The following SPTLC3 variants were observed in gnomAD, a reference collection of about 807,000 sequenced individuals.
SPTLC3 encodes serine palmitoyltransferase 3.
In SPTLC3, 36 loss-of-function variants were observed where a neutral mutation model predicts 59.3. The observed-to-expected ratio is 0.61, with a 90% CI of 0.47 to 0.80. SPTLC3 has a LOEUF of 0.80. Among genes scored for constraint, SPTLC3 ranks in the 30% least tolerant of loss-of-function variants. The pLI is 0.00. For synonymous variants in SPTLC3, 257 were observed against 240.8 expected, an observed-to-expected ratio of 1.07 and a Z score of -0.62; for missense variants, 625 against 685.1, an observed-to-expected ratio of 0.91 and a Z score of 0.98.
At chr20:13,080,003 G>A in intron 4 of SPTLC3, 1 of 253,110 alleles carries the variant, frequency 4.0e-6, no homozygotes, top group African/African-American at 2.3e-5. Flanking sequence ...GAAACCTGAA[G>A]GGAAAAGATT....
intron 10 of SPTLC3, among the ~76,000 whole-genome samples, chr20:13,156,865 A>G (rs1453410168): frequency 1.3e-5 from 2 of 152,186 alleles, no homozygotes; most frequent in Non-Finnish European, 2.9e-5. Context: ...CAAAATAATT[A>G]TTACAATTTT....
chr20:13,011,594 G>A (rs752734953), intron 1 of SPTLC3, among the ~76,000 whole-genome samples: 1 of 152,300 alleles, frequency 6.6e-6, no homozygotes, highest in South Asian at 2.1e-4. Context: ...CCCTGGTCCA[G>A]CGTAGGCTGC....
chr20:13,091,346 G>T, intron 5 of SPTLC3, 139 bp downstream of exon 5: 1 of 1,051,144 alleles, frequency 9.5e-7, no homozygotes, highest in Non-Finnish European at 1.3e-6. Flanking sequence ...AGCCCAAGGC[G>T]GGCGGATCAC....
intron 8 of SPTLC3, 24 bp downstream of exon 8, chr20:13,117,749 T>C: frequency 1.3e-6 from 2 of 1,590,352 alleles, no homozygotes; most frequent in Non-Finnish European, 1.7e-6. Flanking sequence ...TGCTTGTGTC[T>C]GTTTAAAACC....
At chr20:13,050,182 A>C (rs1316617650) in intron 2 of SPTLC3, 3 of 152,238 alleles carry the variant, frequency 2.0e-5, no homozygotes, top group Non-Finnish European at 2.9e-5. Context: ...AATCCAAAAA[A>C]TGTTACAAGA....
rs550264771 is a variant in SPTLC3, at chr20:13,071,859, C to G, written c.304-397C>G. Among the ~76,000 whole-genome samples the G allele has an allele frequency of 5.9e-5, 9 of 152,278 alleles. No homozygotes were observed. The East Asian group carries it at 1.5e-3, about 26-fold the overall frequency. ...GCAGGTCCGATAGTTCAAGTTCATC[C>G]CCACTTCTAATCACACGGTGAGTGA... On this transcript the variant is annotated intron_variant, in intron 2 of 11. Coordinates refer to ENST00000399002, the MANE Select transcript of SPTLC3 (RefSeq NM_018327.4).
At chr20:13,055,597 C>T (rs73901410) in intron 2 of SPTLC3, among the ~76,000 whole-genome samples, 1 of 152,176 alleles carries the variant, frequency 6.6e-6, no homozygotes, top group Non-Finnish European at 1.5e-5. Context: ...TATTTTCTAA[C>T]CTTTCAGTGT....
chr20:13,029,692 G>A (rs1181939176), intron 1 of SPTLC3, among the ~76,000 whole-genome samples: 5 of 152,124 alleles, frequency 3.3e-5, no homozygotes, highest in African/African-American at 1.2e-4. Flanking sequence ...AAAATAACAT[G>A]TGCTGCTTTC....
chr20:13,023,047 A>G (rs1480538150), intron 1 of SPTLC3, among the ~76,000 whole-genome samples: 2 of 151,900 alleles, frequency 1.3e-5, no homozygotes, highest in Non-Finnish European at 2.9e-5. Context: ...CCCACCTGCA[A>G]CATTTGCATT....
intron 6 of SPTLC3, among the ~76,000 whole-genome samples, chr20:13,107,295 GA>G (rs913401877): frequency 6.6e-6 from 1 of 151,014 alleles, no homozygotes; most frequent in African/African-American, 2.4e-5. Flanking sequence ...TGAGAAAATA[GA>G]AAAAAAAGTC....
At chr20:13,033,681 G>A (rs894855089) in intron 1 of SPTLC3, among the ~76,000 whole-genome samples, 5 of 152,082 alleles carry the variant, frequency 3.3e-5, no homozygotes, top group Non-Finnish European at 5.9e-5. Context: ...AAGATAATAA[G>A]AGATAATGGA....
At chr20:13,151,265 C>A (rs2038640134) in intron 9 of SPTLC3, among the ~76,000 whole-genome samples, 1 of 152,168 alleles carries the variant, frequency 6.6e-6, no homozygotes, top group Non-Finnish European at 1.5e-5. Flanking sequence ...TTTTTCACAT[C>A]CACACTCTAA....
chr20:13,063,635 A>T (rs1600243281), intron 2 of SPTLC3, among the ~76,000 whole-genome samples: 1 of 109,094 alleles, frequency 9.2e-6, no homozygotes, highest in Non-Finnish European at 1.9e-5. Context: ...ATTTTTTTTA[A>T]ATTTTATTTA....
Position 13,168,842 on chromosome 20 carries a change from C to T in SPTLC3, c.*3975C>T, listed in dbSNP as rs6041934. Reference sequence around the variant, plus strand: ...TTTGAAGTCTGTTCTTTAGAATGCCCTACTCAGCTGCATAATGTTTAGAAA... The same window carrying T: ...TTTGAAGTCTGTTCTTTAGAATGCCTTACTCAGCTGCATAATGTTTAGAAA... On this transcript the variant is annotated 3_prime_UTR_variant, in exon 12 of 12. Transcript: ENST00000399002. The T allele has an allele frequency of 6.6e-4, 101 of 152,166 alleles. No homozygotes were observed. The highest frequency in any genetic ancestry group is 2.4e-3 in the African/African-American group (99 of 41,524). 9.4% of individuals were successfully genotyped at this position (152,166 alleles called of 1,614,324 possible).
intron 1 of SPTLC3, among the ~76,000 whole-genome samples, chr20:13,016,186 G>A (rs1600203551): frequency 1.3e-5 from 2 of 152,154 alleles, no homozygotes; most frequent in East Asian, 3.9e-4. Context: ...AGAAAGAAGG[G>A]AAGAGAAGTC....
At chr20:13,015,327 T>C (rs1314180499) in intron 1 of SPTLC3, among the ~76,000 whole-genome samples, 2 of 152,040 alleles carry the variant, frequency 1.3e-5, no homozygotes, top group African/African-American at 4.8e-5. Flanking sequence ...AAACTTAATA[T>C]GGCAAGAAGC....
At chr20:13,118,311 T>G (rs1320795724) in intron 8 of SPTLC3, among the ~76,000 whole-genome samples, 1 of 152,122 alleles carries the variant, frequency 6.6e-6, no homozygotes, top group Non-Finnish European at 1.5e-5. Flanking sequence ...TCCATAATGT[T>G]GCATACACCA....
At chr20:13,042,793 T>C (rs1987048574) in intron 1 of SPTLC3, among the ~76,000 whole-genome samples, 1 of 152,202 alleles carries the variant, frequency 6.6e-6, no homozygotes, top group African/African-American at 2.4e-5. Context: ...GTGTTCTTTT[T>C]TGATATTTAG....
chr20:13,063,038 T>A (rs537850835), intron 2 of SPTLC3, among the ~76,000 whole-genome samples: 3 of 152,358 alleles, frequency 2.0e-5, no homozygotes, highest in African/African-American at 7.2e-5. Flanking sequence ...CCGACTCCAG[T>A]GAACAGTATC....
Sources: gnomAD v4.1 joint callset for allele counts (sites outside exome capture counted in the v4.1 genomes callset) on GRCh38, gnomAD v4.1.1 for gene constraint, MANE v1.5 for transcripts, NCBI Gene and HGNC (gene_info 2026-07-23, HGNC 2026-07-21) for gene names.